The following DGKD variants were observed in gnomAD, a reference collection of about 807,000 sequenced individuals.
DGKD encodes the protein diacylglycerol kinase delta, also known as DAG kinase delta.
A neutral mutation model predicts 154.4 loss-of-function variants in DGKD; 68 were observed. The ratio of observed to expected loss-of-function variants is 0.44; its 90% CI spans 0.36 to 0.54. The LOEUF is 0.54. DGKD is among the 20% of genes least tolerant of loss of function. The probability of loss-of-function intolerance (pLI) is 0.00; values close to 1 mark genes in which losing one functional copy is unlikely to be tolerated. For synonymous variants in DGKD, 693 were observed against 638.0 expected, an observed-to-expected ratio of 1.09 and a Z score of -1.30; for missense variants, 1,343 against 1,593.6, an observed-to-expected ratio of 0.84 and a Z score of 2.68.
intron 10 of DGKD, 139 bp downstream of exon 10, chr2:233,442,134 G>A: frequency 1.2e-6 from 1 of 851,650 alleles, no homozygotes; most frequent in Non-Finnish European, 1.9e-6. Context: ...GGAGTGTGCA[G>A]TTTGGTGGCC....
In DGKD at chr2:233,438,292, A is replaced by G; in HGVS notation, c.998A>G (p.Asn333Ser). Reference protein sequence around the residue: ...LVFVNSKSGDNQGVKFLRRFK... With the variant: ...LVFVNSKSGDSQGVKFLRRFK... ...TTCGTCAATTCAAAAAGTGGGGACA[A>G]CCAGGGTGTGAAGTTCCTCAGAAGA... is the stretch of plus-strand genomic sequence containing the variant. Residue 333 changes from asparagine to serine, a missense_variant, in exon 9 of 30, where the codon AAC (asparagine) becomes AGC (serine). Asn to Ser is a conservative substitution (Grantham distance 46). This residue lies in a region of DGKD where 332 missense variants were observed against 400.1 expected (regional missense o/e 0.83). Coordinates refer to ENST00000264057, the MANE Select transcript of DGKD (RefSeq NM_152879.3). The surrounding 1 kb of genome is among the most constrained non-coding windows in gnomAD (Gnocchi z 4.1). The G allele has an allele frequency of 6.2e-7, 1 of 1,614,242 alleles. No homozygotes were observed. Among genetic ancestry groups the G allele is most frequent in the South Asian group, 1.1e-5 (1 of 91,088 alleles).
At chr2:233,365,886 A>G (rs1252398991) in intron 1 of DGKD, among the ~76,000 whole-genome samples, 2 of 152,236 alleles carry the variant, frequency 1.3e-5, no homozygotes, top group Admixed American at 6.5e-5. Context: ...TTAGAGGGAA[A>G]TTTATAGCTT....
intron 1 of DGKD, among the ~76,000 whole-genome samples, chr2:233,362,955 A>C (rs1457283377): frequency 3.3e-5 from 5 of 152,250 alleles, no homozygotes; most frequent in Non-Finnish European, 7.3e-5. Context: ...GACCTACTGC[A>C]CTGCAAGTGG....
At position 233,452,048 on chromosome 2, in the gene DGKD, A is replaced by G. The variant is rs147629842; in HGVS notation, c.2252A>G (p.Glu751Gly). 5 of 1,614,024 alleles carry G rather than the reference A, an allele frequency of 3.1e-6. No homozygotes were observed. Among genetic ancestry groups the G allele is most frequent in the Non-Finnish European group, 4.2e-6 (5 of 1,179,888 alleles). ...LLINADPFNSEPETLEYYTEK... is the reference protein window; with the variant it reads ...LLINADPFNSGPETLEYYTEK... Reference sequence around the variant, plus strand: ...ATTAATGCTGATCCCTTCAACTCTGAACCAGAAACCCTGTGAGTATGAGGG... The same window carrying G: ...ATTAATGCTGATCCCTTCAACTCTGGACCAGAAACCCTGTGAGTATGAGGG... The change falls in exon 18 of 30, where the codon GAA (glutamate) becomes GGA (glycine). Residue 751 changes from glutamate (E) to glycine (G), a missense_variant. Coordinates refer to ENST00000264057, the MANE Select transcript of DGKD (RefSeq NM_152879.3). The surrounding 1 kb of genome is among the most constrained non-coding windows in gnomAD (Gnocchi z 4.0).
At chr2:233,464,059 A>G (rs2063751077) in intron 26 of DGKD, 105 bp from the exon 27 acceptor site, 5 of 1,488,656 alleles carry the variant, frequency 3.4e-6, no homozygotes, top group Non-Finnish European at 4.5e-6. Flanking sequence ...GAGCTCCCTG[A>G]TCAGAGCAGA....
intron 1 of DGKD, among the ~76,000 whole-genome samples, chr2:233,387,580 A>G (rs1703268170): frequency 6.6e-6 from 1 of 152,184 alleles, no homozygotes; most frequent in Non-Finnish European, 1.5e-5. Context: ...CTTGGCTTTA[A>G]TTGAGCCAAG....
chr2:233,439,313 C>T (rs1480645076), intron 9 of DGKD, among the ~76,000 whole-genome samples: 2 of 152,166 alleles, frequency 1.3e-5, no homozygotes, highest in African/African-American at 2.4e-5. Flanking sequence ...TGAACCTCGG[C>T]CAGCTCCCTG....
rs1024367149 is a variant in DGKD at position 233,451,825 on chromosome 2, A to T, written c.2168-139A>T. 7.0e-6 allele frequency: 5 copies of T among 712,174 alleles called. No individual in the cohort carries two copies. The East Asian group carries it at 1.4e-4, about 20-fold the overall frequency. 44.1% of individuals were successfully genotyped at this position (712,174 alleles called of 1,614,324 possible). A position where few individuals can be genotyped will look rare whatever the true frequency, so the allele number is the denominator to read the frequency against. Reference sequence around the variant, plus strand: ...CTAAGACTATTGGCAAAATTTGGACATGGTTATACATAATTTTAGAAACAT... The same window carrying T: ...CTAAGACTATTGGCAAAATTTGGACTTGGTTATACATAATTTTAGAAACAT... On this transcript the variant is annotated intron_variant, in intron 17 of 29. Coordinates refer to ENST00000264057, the MANE Select transcript of DGKD (RefSeq NM_152879.3).
At chr2:233,456,878 A>G (rs755872466) in intron 19 of DGKD, 21 bp from the exon 20 acceptor site, 4 of 1,599,220 alleles carry the variant, frequency 2.5e-6, no homozygotes, top group East Asian at 2.2e-5. Flanking sequence ...ACCTATGGCA[A>G]GTCTTTGCTT....
intron 27 of DGKD, among the ~76,000 whole-genome samples, chr2:233,464,644 C>T (rs1375755948): frequency 3.3e-5 from 5 of 152,198 alleles, no homozygotes; most frequent in Non-Finnish European, 5.9e-5. Context: ...TTTGGGATCC[C>T]GCTGTGGACA....
At position 233,442,014 on chromosome 2, in the gene DGKD, G is replaced by T. The variant is rs1211744196; in HGVS notation, c.1194+19G>T. On this transcript the variant is annotated intron_variant, in intron 10 of 29. Coordinates refer to ENST00000264057, the MANE Select transcript of DGKD (RefSeq NM_152879.3). Reference sequence around the variant, plus strand: ...TAAACAGGTACCAGGACAGGAGGGAGCCCAGCCAGGAGCAGAGAGGGTGCG... The same window carrying T: ...TAAACAGGTACCAGGACAGGAGGGATCCCAGCCAGGAGCAGAGAGGGTGCG... The T allele has an allele frequency of 6.2e-7, 1 of 1,605,822 alleles. No homozygotes were observed. Among genetic ancestry groups the T allele is most frequent in the African/African-American group, 1.3e-5 (1 of 74,736 alleles).
intron 1 of DGKD, among the ~76,000 whole-genome samples, chr2:233,379,175 G>A (rs1243221467): frequency 6.6e-6 from 1 of 152,132 alleles, no homozygotes; most frequent in South Asian, 2.1e-4. Context: ...AGTTCTGCCT[G>A]GGGGGAGGTG....
chr2:233,459,950 T>C lies in DGKD; in HGVS notation c.2829+59T>C. ...TACAGGGCTCACCTGTGGGCTCTTG[T>C]GTGCACTGTTAAGAGCTGGAGCTTT... On this transcript the variant is annotated intron_variant, in intron 23 of 29. Coordinates refer to ENST00000264057, the MANE Select transcript of DGKD (RefSeq NM_152879.3). This position sits in a 1 kb window ranked among gnomAD's most constrained non-coding sequence, Gnocchi z 5.7. 1 of 1,565,360 alleles carries C rather than the reference T, an allele frequency of 6.4e-7. No individual in the cohort carries two copies. The highest frequency in any genetic ancestry group is 8.6e-7 in the Non-Finnish European group (1 of 1,159,568).
chr2:233,412,913 A>G (rs2061862455), intron 3 of DGKD, among the ~76,000 whole-genome samples: 1 of 152,212 alleles, frequency 6.6e-6, no homozygotes, highest in Non-Finnish European at 1.5e-5. Flanking sequence ...ATTTAAGACA[A>G]CTTTTCATTC....
chr2:233,419,422 G>A (rs2062045940), intron 3 of DGKD: 1 of 985,662 alleles, frequency 1.0e-6, no homozygotes, highest in Admixed American at 6.1e-5. Context: ...AGGGCAGCAG[G>A]TAAGAGCCCC....
chr2:233,369,600 C>A (rs967458787), intron 1 of DGKD, among the ~76,000 whole-genome samples: 1 of 152,176 alleles, frequency 6.6e-6, no homozygotes, highest in Non-Finnish European at 1.5e-5. Flanking sequence ...TCCCCTCCCC[C>A]TTTCTGTTCT....
chr2:233,444,342 T>A (rs2125622428), intron 10 of DGKD, among the ~76,000 whole-genome samples: 1 of 152,152 alleles, frequency 6.6e-6, no homozygotes, highest in East Asian at 1.9e-4. Flanking sequence ...CATCTGCAGC[T>A]CACCCAGGCG....
chr2:233,381,890 T>A (rs543411272), intron 1 of DGKD, among the ~76,000 whole-genome samples: 1 of 152,338 alleles, frequency 6.6e-6, no homozygotes, highest in Admixed American at 6.5e-5. Flanking sequence ...AAGTGTTTGT[T>A]CTGTTAAGAA....
intron 1 of DGKD, among the ~76,000 whole-genome samples, chr2:233,358,830 T>C (rs574294631): frequency 4.6e-5 from 7 of 152,386 alleles, no homozygotes; most frequent in African/African-American, 1.7e-4. Context: ...TTCTACTTTT[T>C]GGCTATTCTG....
Sources: allele counts gnomAD v4.1 joint callset (sites outside exome capture counted in the v4.1 genomes callset), GRCh38; gene constraint gnomAD v4.1.1; regional missense constraint gnomAD v4.1.1; non-coding constraint Gnocchi (gnomAD v3.1); transcripts MANE v1.5; gene names NCBI Gene and HGNC (gene_info 2026-07-23, HGNC 2026-07-21).